Variants in PRUNE2 observed in about 807,000 individuals in gnomAD.
PRUNE2 encodes the protein prune homolog 2 with BCH domain.
Under a neutral mutation model 252.0 loss-of-function variants are expected in PRUNE2, and 164 were observed. The observed-to-expected ratio is 0.65, with a 90% CI of 0.57 to 0.74. The LOEUF is 0.74. PRUNE2 is among the 30% of genes least tolerant of loss of function. The pLI, the probability that PRUNE2 is intolerant of heterozygous loss-of-function variation, is 0.00. For synonymous variants in PRUNE2, 1,292 were observed against 1,350.2 expected (o/e 0.96, Z 0.94); for missense variants, 3,495 against 3,711.0 (o/e 0.94, Z 1.51).
At chr9:76,619,213 G>T in intron 18 of PRUNE2, 127 bp downstream of exon 18, 1 of 609,354 alleles carries the variant, frequency 1.6e-6, no homozygotes, top group Non-Finnish European at 2.9e-6. Flanking sequence ...TCTAATTTCA[G>T]GAATGGAGCA....
chr9:76,824,479 T>C (rs2058226662), intron 5 of PRUNE2, among the ~76,000 whole-genome samples: 1 of 152,174 alleles, frequency 6.6e-6, no homozygotes, highest in Admixed American at 6.5e-5. Flanking sequence ...ACCCTCGTAA[T>C]AGGCTCTGAC....
At chr9:76,689,645 T>C (rs373449719) in intron 9 of PRUNE2, among the ~76,000 whole-genome samples, 4 of 152,018 alleles carry the variant, frequency 2.6e-5, no homozygotes, top group Non-Finnish European at 2.9e-5. Flanking sequence ...AGCCATGAGA[T>C]ACCGCACCAA....
At chr9:76,666,514 C>T (rs1022956455) in intron 9 of PRUNE2, among the ~76,000 whole-genome samples, 4 of 152,154 alleles carry the variant, frequency 2.6e-5, no homozygotes, top group Admixed American at 1.3e-4. Context: ...GAAATAATGG[C>T]GTAAGCTGTC....
At chr9:76,905,059 T>C (rs1453479584) in intron 1 of PRUNE2, among the ~76,000 whole-genome samples, 1 of 152,250 alleles carries the variant, frequency 6.6e-6, no homozygotes, top group African/African-American at 2.4e-5. Flanking sequence ...TTTACAGTTC[T>C]TTAAAGATAT....
At chr9:76,855,896 G>C (rs1377497621) in intron 1 of PRUNE2, among the ~76,000 whole-genome samples, 1 of 152,116 alleles carries the variant, frequency 6.6e-6, no homozygotes, top group Non-Finnish European at 1.5e-5. Context: ...AAGGGTTCTA[G>C]TCTAGGTCCA....
chr9:76,616,225 CCT>C (rs1221886264), intron 18 of PRUNE2, among the ~76,000 whole-genome samples: 1 of 152,148 alleles, frequency 6.6e-6, no homozygotes, highest in Non-Finnish European at 1.5e-5. Context: ...TTAGAGGTAT[CCT>C]CTTTTTATCC....
At chr9:76,807,051 T>C (rs559051261) in intron 6 of PRUNE2, among the ~76,000 whole-genome samples, 1,671 of 139,424 alleles carry the variant, frequency 0.012, 18 homozygotes, top group African/African-American at 0.026. Flanking sequence ...TGTGTGTGTG[T>C]GCGCGCGCGC....
In PRUNE2 at chr9:76,705,111, G is replaced by C; in HGVS notation, c.7163C>G (p.Ser2388Trp). 6.2e-7 allele frequency: 1 copy of C among 1,613,986 alleles called. No homozygotes were observed. The highest frequency in any genetic ancestry group is 8.5e-7 in the Non-Finnish European group (1 of 1,179,894). The change falls in exon 8 of 19, where the codon TCG becomes TGG. Residue 2388 changes from serine (S) to tryptophan (W), a missense_variant. By Grantham distance (177) the Ser-to-Trp change is radical (BLOSUM62 -3). Coordinates refer to ENST00000376718, the MANE Select transcript of PRUNE2 (RefSeq NM_015225.3). ...AAAGGGAGGTGTGTACGGTGCCAGC[G>C]ACTGCTTCAGAGAATCTTCCTCCAA... is the stretch of plus-strand genomic sequence containing the variant. ...PPLEEDSLKQ[S>W]LAPYTPPFDL...
intron 6 of PRUNE2, among the ~76,000 whole-genome samples, chr9:76,716,857 G>A (rs1228258103): frequency 1.4e-5 from 2 of 144,996 alleles, no homozygotes; most frequent in African/African-American, 5.3e-5. Flanking sequence ...TCCCCTCCCT[G>A]TGTCCATGTG....
chr9:76,689,772 C>G (rs2044512172), intron 9 of PRUNE2, among the ~76,000 whole-genome samples: 1 of 152,176 alleles, frequency 6.6e-6, no homozygotes, highest in Non-Finnish European at 1.5e-5. Context: ...CAATCACTCA[C>G]TCTAACTAGG....
chr9:76,751,313 C>T lies in PRUNE2; in HGVS notation c.757-37592G>A, dbSNP rs143135419. 1.8e-3 allele frequency among the ~76,000 whole-genome samples: 268 copies of T among 152,036 alleles called. 1 individual carries two copies. The highest frequency in any genetic ancestry group is 6.2e-3 in the African/African-American group (258 of 41,458). Reference sequence around the variant, plus strand: ...ACAGAAATCTTAGTAGGGTCAATAACATTGATATTCATCAATGAAGTTACT... The same window carrying T: ...ACAGAAATCTTAGTAGGGTCAATAATATTGATATTCATCAATGAAGTTACT... On this transcript the variant is annotated intron_variant, in intron 6 of 18. Transcript: ENST00000376718.
At chr9:76,734,031 T>C (rs1378705646) in intron 6 of PRUNE2, among the ~76,000 whole-genome samples, 1 of 152,122 alleles carries the variant, frequency 6.6e-6, no homozygotes, top group Non-Finnish European at 1.5e-5. Context: ...ATGCCTTCTA[T>C]GTAGGGGATT....
intron 6 of PRUNE2, among the ~76,000 whole-genome samples, chr9:76,790,407 G>C (rs1310667220): frequency 6.6e-6 from 1 of 152,154 alleles, no homozygotes; most frequent in Non-Finnish European, 1.5e-5. Context: ...TTTCATGCCA[G>C]TAAAACATAA....
At chr9:76,628,715 CACA>C (rs1233920331) in intron 16 of PRUNE2, among the ~76,000 whole-genome samples, 6 of 152,108 alleles carry the variant, frequency 3.9e-5, no homozygotes, top group Non-Finnish European at 8.8e-5. Context: ...TCTAAAAGAA[CACA>C]ACAATTATCT....
chr9:76,827,076 G>A (rs919914791), intron 4 of PRUNE2, among the ~76,000 whole-genome samples: 3 of 152,160 alleles, frequency 2.0e-5, no homozygotes, highest in Admixed American at 1.3e-4. Flanking sequence ...CAAAAAGGAA[G>A]TTAGTGGTAA....
At chr9:76,851,616 A>G (rs2059967141) in intron 2 of PRUNE2, among the ~76,000 whole-genome samples, 1 of 151,990 alleles carries the variant, frequency 6.6e-6, no homozygotes, top group Non-Finnish European at 1.5e-5. Context: ...GATTTGGGGT[A>G]TTATTTGTGA....
At chr9:76,698,418 A>G (rs1432579887) in intron 9 of PRUNE2, among the ~76,000 whole-genome samples, 2 of 152,218 alleles carry the variant, frequency 1.3e-5, no homozygotes, top group Non-Finnish European at 2.9e-5. Context: ...TATAATTACA[A>G]AAATAAATGA....
chr9:76,858,242 G>A (rs2060363484), intron 1 of PRUNE2, among the ~76,000 whole-genome samples: 1 of 152,210 alleles, frequency 6.6e-6, no homozygotes, highest in South Asian at 2.1e-4. Flanking sequence ...CACTGCACTT[G>A]CAATTTAGTG....
intron 6 of PRUNE2, among the ~76,000 whole-genome samples, chr9:76,793,202 C>A (rs1001448991): frequency 1.3e-5 from 2 of 152,120 alleles, no homozygotes; most frequent in Non-Finnish European, 2.9e-5. Flanking sequence ...TAAAGGGACA[C>A]CGTTTCAAAC....
Sources: gnomAD v4.1 joint callset for allele counts (sites outside exome capture counted in the v4.1 genomes callset) on GRCh38, gnomAD v4.1.1 for gene constraint, MANE v1.5 for transcripts, NCBI Gene and HGNC (gene_info 2026-07-23, HGNC 2026-07-21) for gene names.